Variants in ZNF804A observed in about 807,000 individuals in gnomAD.
ZNF804A encodes zinc finger protein 804A.
ZNF804A carries 2 observed loss-of-function variants against 16.5 expected under a neutral mutation model. The observed-to-expected ratio is 0.12, with a 90% CI of 0.05 to 0.38. The LOEUF is 0.38. Ranked by LOEUF, ZNF804A falls within the 10% of genes least tolerant of loss-of-function variation. ZNF804A has a pLI of 0.99. For synonymous variants in ZNF804A, 534 were observed against 489.6 expected, an observed-to-expected ratio of 1.09 and a Z score of -1.20; for missense variants, 1,473 against 1,390.7, an observed-to-expected ratio of 1.06 and a Z score of -0.94.
chr2:184,934,581 T>A (rs1685754960), intron 3 of ZNF804A, among the ~76,000 whole-genome samples: 1 of 152,122 alleles, frequency 6.6e-6, no homozygotes, highest in African/African-American at 2.4e-5. Context: ...TGCTGTTCAG[T>A]TACACTAATC....
Position 184,938,561 on chromosome 2 carries a change from T to A in ZNF804A, c.3165T>A (p.Ile1055=), listed in dbSNP as rs770922087. Residue 1055 remains isoleucine, a synonymous_variant, in exon 4 of 4, where the codon ATT becomes ATA. Transcript: ENST00000302277. ...KNVPCEVYQH[I]LQPNMLANKV... Reference sequence around the variant, plus strand: ...TACCATGTGAGGTCTACCAGCACATTCTGCAGCCAAACATGCTGGCCAACA... The same window carrying A: ...TACCATGTGAGGTCTACCAGCACATACTGCAGCCAAACATGCTGGCCAACA... 6 of 1,613,940 alleles carry A rather than the reference T, an allele frequency of 3.7e-6. No homozygotes were observed. Among genetic ancestry groups the A allele is most frequent in the Admixed American group, 1.7e-5 (1 of 59,986 alleles).
chr2:184,787,376 G>A (rs1452773440), intron 1 of ZNF804A, among the ~76,000 whole-genome samples: 2 of 151,784 alleles, frequency 1.3e-5, no homozygotes, highest in Non-Finnish European at 1.5e-5. Flanking sequence ...GTATCTAGTA[G>A]TGGGACTGCT....
At chr2:184,720,864 A>AAT (rs1693301593) in intron 1 of ZNF804A, among the ~76,000 whole-genome samples, 1 of 152,160 alleles carries the variant, frequency 6.6e-6, no homozygotes, top group Non-Finnish European at 1.5e-5. Flanking sequence ...GGCTATAGTA[A>AAT]CCAAACAGCA....
intron 1 of ZNF804A, among the ~76,000 whole-genome samples, chr2:184,829,154 C>G (rs931598575): frequency 2.0e-5 from 3 of 151,566 alleles, no homozygotes; most frequent in Non-Finnish European, 4.4e-5. Flanking sequence ...TAATCTAAAT[C>G]TAAATGCACT....
intron 1 of ZNF804A, among the ~76,000 whole-genome samples, chr2:184,755,109 A>G (rs1693938812): frequency 6.6e-6 from 1 of 151,942 alleles, no homozygotes. Flanking sequence ...TCAGTGTTAA[A>G]GAGGACCCTT....
chr2:184,696,397 G>A (rs940294769), intron 1 of ZNF804A, among the ~76,000 whole-genome samples: 2 of 152,134 alleles, frequency 1.3e-5, no homozygotes, highest in Non-Finnish European at 2.9e-5. Flanking sequence ...GGGATGGGGT[G>A]AGGGCAAGTT....
chr2:184,925,000 G>C (rs534488867), intron 2 of ZNF804A, among the ~76,000 whole-genome samples: 1 of 152,084 alleles, frequency 6.6e-6, no homozygotes, highest in Middle Eastern at 3.4e-3. Context: ...ATGAAGAAAA[G>C]AATGTGTATT....
intron 1 of ZNF804A, among the ~76,000 whole-genome samples, chr2:184,667,432 GGA>G (rs1692270775): frequency 1.3e-5 from 2 of 151,696 alleles, no homozygotes; most frequent in Admixed American, 1.3e-4. Flanking sequence ...TCTATGTTAG[GGA>G]AAAATTATCA....
chr2:184,771,825 A>T (rs1211797785), intron 1 of ZNF804A, among the ~76,000 whole-genome samples: 1 of 151,982 alleles, frequency 6.6e-6, no homozygotes, highest in Admixed American at 6.6e-5. Flanking sequence ...AGTGAGAAAA[A>T]CTAAGAGTCT....
At chr2:184,935,748 T>C (rs1685774272) in intron 3 of ZNF804A, 35 bp from the exon 4 acceptor site, 3 of 1,510,636 alleles carry the variant, frequency 2.0e-6, no homozygotes. Context: ...CTCAAAAGTG[T>C]GCTATTTAAC....
intron 1 of ZNF804A, among the ~76,000 whole-genome samples, chr2:184,744,864 A>T (rs1451427221): frequency 6.6e-6 from 1 of 151,832 alleles, no homozygotes; most frequent in Non-Finnish European, 1.5e-5. Context: ...ATTAACTCCC[A>T]ATTATTATTT....
At chr2:184,761,012 A>G (rs1694030375) in intron 1 of ZNF804A, among the ~76,000 whole-genome samples, 1 of 152,144 alleles carries the variant, frequency 6.6e-6, no homozygotes, top group African/African-American at 2.4e-5. Context: ...AACTAAAACT[A>G]CATTTTTATT....
chr2:184,867,074 C>T (rs539907562), intron 2 of ZNF804A, among the ~76,000 whole-genome samples: 13 of 151,784 alleles, frequency 8.6e-5, no homozygotes, highest in Admixed American at 4.6e-4. Context: ...TTAATATTTT[C>T]ATTTTATTGT....
intron 2 of ZNF804A, among the ~76,000 whole-genome samples, chr2:184,897,377 T>G (rs182618169): frequency 5.3e-5 from 8 of 150,946 alleles, no homozygotes; most frequent in African/African-American, 1.5e-4. Context: ...TTAGTTACTG[T>G]TTTTTTTCCC....
Position 184,939,140 on chromosome 2 carries a change from A to T in ZNF804A, c.*114A>T. On this transcript the variant is annotated 3_prime_UTR_variant, in exon 4 of 4. Coordinates refer to ENST00000302277, the MANE Select transcript of ZNF804A (RefSeq NM_194250.2). ...CTGGTGGAAATAAACTGGCCGATAC[A>T]TGGCGTCATTGGTTTGAAATCATTT... 7.5e-7 allele frequency: 1 copy of T among 1,330,926 alleles called. No individual in the cohort carries two copies. Among genetic ancestry groups the T allele is most frequent in the Middle Eastern group, 1.9e-4 (1 of 5,186 alleles). The allele number at this position is 1,330,926 out of a possible 1,614,324, so 82.4% of individuals were successfully genotyped here.
intron 2 of ZNF804A, among the ~76,000 whole-genome samples, chr2:184,882,272 C>T (rs1319209031): frequency 6.6e-6 from 1 of 152,170 alleles, no homozygotes; most frequent in East Asian, 1.9e-4. Context: ...AATATGTCCA[C>T]ATGCAACACG....
chr2:184,607,279 A>G (rs1477212991), intron 1 of ZNF804A, among the ~76,000 whole-genome samples: 2 of 152,204 alleles, frequency 1.3e-5, no homozygotes, highest in African/African-American at 4.8e-5. Context: ...GTATTAGTCT[A>G]TTCTCATGCT....
At position 184,792,518 on chromosome 2, in the gene ZNF804A, T is replaced by G. The variant is rs183744807; in HGVS notation, c.112-73851T>G. Among the ~76,000 whole-genome samples, 305 of 152,320 alleles carry G rather than the reference T, an allele frequency of 2.0e-3. 1 individual carries two copies. The highest frequency in any genetic ancestry group is 7.0e-3 in the African/African-American group (293 of 41,586). Reference sequence around the variant, plus strand: ...ATTTCTTCATTAGTTTGATCATTTTTTCATTGAGTTCTAAAAGTTCTTTGT... The same window carrying G: ...ATTTCTTCATTAGTTTGATCATTTTGTCATTGAGTTCTAAAAGTTCTTTGT... On this transcript the variant is annotated intron_variant, in intron 1 of 3. Coordinates refer to ENST00000302277, the MANE Select transcript of ZNF804A (RefSeq NM_194250.2).
chr2:184,876,727 C>A (rs973815858), intron 2 of ZNF804A, among the ~76,000 whole-genome samples: 4 of 152,212 alleles, frequency 2.6e-5, no homozygotes, highest in African/African-American at 9.6e-5. Flanking sequence ...TACACCTTCC[C>A]CAAGTCAACC....
Sources: allele counts gnomAD v4.1 joint callset (sites outside exome capture counted in the v4.1 genomes callset), GRCh38; gene constraint gnomAD v4.1.1; transcripts MANE v1.5; gene names NCBI Gene and HGNC (gene_info 2026-07-23, HGNC 2026-07-21).